Variants in C12orf54 observed in about 807,000 individuals in gnomAD.
The protein encoded by C12orf54 is chromosome 12 open reading frame 54.
C12orf54 carries 24 observed loss-of-function variants against 26.4 expected under a neutral mutation model. The ratio of observed to expected loss-of-function variants is 0.91; its 90% CI spans 0.66 to 1.28. C12orf54 has a LOEUF of 1.28. Ranked by LOEUF, C12orf54 falls within the 50% of genes most tolerant of loss-of-function variation. C12orf54 has a pLI of 0.00. For missense variants in C12orf54, 154 were observed against 150.9 expected (o/e 1.02, Z -0.11); for synonymous variants, 54 against 47.0 (o/e 1.15, Z -0.61).
upstream of C12orf54, among the ~76,000 whole-genome samples, chr12:48,481,818 G>C (rs763564638): frequency 6.6e-6 from 1 of 152,028 alleles, no homozygotes; most frequent in African/African-American, 2.4e-5. Context: ...ACTTCACCAC[G>C]ACCTCCCCAT....
the C12orf54 span, among the ~76,000 whole-genome samples, chr12:48,414,305 A>C: frequency 6.6e-6 from 1 of 152,228 alleles, no homozygotes; most frequent in Non-Finnish European, 1.5e-5. Flanking sequence ...TAAGCTCCTG[A>C]CTACTGCCTC....
the C12orf54 span, among the ~76,000 whole-genome samples, chr12:48,451,794 C>T: frequency 6.6e-6 from 1 of 152,096 alleles, no homozygotes. Flanking sequence ...AAGCAAAGGA[C>T]TTCTTCAAAG....
At chr12:48,460,353 A>G in the C12orf54 span, among the ~76,000 whole-genome samples, 1 of 152,284 alleles carries the variant, frequency 6.6e-6, no homozygotes, top group South Asian at 2.1e-4. Flanking sequence ...ATTTAGTAAA[A>G]TGAAACTTTG....
the C12orf54 span, among the ~76,000 whole-genome samples, chr12:48,476,731 C>A: frequency 1.3e-5 from 2 of 151,952 alleles, no homozygotes; most frequent in Admixed American, 6.5e-5. Context: ...TACAGGAGCA[C>A]CCAGATTCAT....
chr12:48,447,719 T>A, the C12orf54 span, among the ~76,000 whole-genome samples: 6 of 152,128 alleles, frequency 3.9e-5, no homozygotes, highest in Non-Finnish European at 8.8e-5. Flanking sequence ...ATCTCTGAAG[T>A]CTATGACTGC....
the C12orf54 span, among the ~76,000 whole-genome samples, chr12:48,433,467 G>A: frequency 0.32 from 45,876 of 141,948 alleles, 7,985 homozygotes; most frequent in African/African-American, 0.37. Flanking sequence ...GGGGGGGGGG[G>A]GGCAGGATCT....
At chr12:48,478,747 CA>C (rs926079943), upstream of C12orf54, among the ~76,000 whole-genome samples, 160 of 152,126 alleles carry the variant, frequency 1.1e-3, no homozygotes, top group African/African-American at 3.7e-3. Flanking sequence ...TTTATGCAGC[CA>C]AAAAACACAT....
Position 48,486,709 on chromosome 12 carries a change from G to GT in C12orf54, c.118_119insT (p.Glu40ValfsTer12). 1 of 1,613,474 alleles carries GT rather than the reference G, an allele frequency of 6.2e-7. No individual in the cohort carries two copies. On this transcript the variant is annotated frameshift_variant, in exon 4 of 9. Coordinates refer to ENST00000548364, the MANE Select transcript of C12orf54 (RefSeq NM_152319.4). LOFTEE classifies it high-confidence loss of function. ...ACAGGAAAAACAGGTAACCATCACT[G>GT]AAACCCTGTGGGACCAGGTGAGTAC...
At chr12:48,493,071 G>C in intron 7 of C12orf54, 76 bp downstream of exon 7, 1 of 1,354,470 alleles carries the variant, frequency 7.4e-7, no homozygotes, top group Non-Finnish European at 1.1e-6. Context: ...CATGAATATA[G>C]CTAGCTCTGA....
the C12orf54 span, among the ~76,000 whole-genome samples, chr12:48,441,585 G>C: frequency 6.6e-6 from 1 of 152,258 alleles, no homozygotes; most frequent in East Asian, 1.9e-4. Flanking sequence ...GGAGGTGAGG[G>C]TGGAGAGGAT....
At chr12:48,472,533 T>C in the C12orf54 span, 4 of 986,386 alleles carry the variant, frequency 4.1e-6, no homozygotes, top group East Asian at 5.1e-5. Context: ...ATTTTGGGTG[T>C]GTTTGGAATT....
chr12:48,475,514 T>C, the C12orf54 span, among the ~76,000 whole-genome samples: 216 of 151,960 alleles, frequency 1.4e-3, no homozygotes, highest in African/African-American at 4.7e-3. Context: ...ATTAGATGAA[T>C]GGATAACTAG....
the C12orf54 span, among the ~76,000 whole-genome samples, chr12:48,454,089 TTTG>T: frequency 2.0e-5 from 2 of 99,464 alleles, no homozygotes; most frequent in African/African-American, 3.2e-5. Flanking sequence ...TCTCTCTTTT[TTTG>T]TTTGTTTTTT....
At chr12:48,494,499 G>T (rs1937867660) in intron 7 of C12orf54, among the ~76,000 whole-genome samples, 1 of 152,146 alleles carries the variant, frequency 6.6e-6, no homozygotes, top group Non-Finnish European at 1.5e-5. Flanking sequence ...AATCCTTTCA[G>T]ATGTATGATA....
At chr12:48,473,138 G>T in the C12orf54 span, 2 of 1,595,710 alleles carry the variant, frequency 1.3e-6, no homozygotes, top group South Asian at 1.1e-5. Flanking sequence ...CCCCTAACTC[G>T]GATGGTGAGG....
chr12:48,476,324 GA>G, the C12orf54 span, among the ~76,000 whole-genome samples: 8 of 152,204 alleles, frequency 5.3e-5, no homozygotes, highest in African/African-American at 1.9e-4. Flanking sequence ...AGGCTAGGAA[GA>G]AACTGCATCA....
At chr12:48,419,253 G>A in the C12orf54 span, among the ~76,000 whole-genome samples, 3 of 152,174 alleles carry the variant, frequency 2.0e-5, no homozygotes, top group Non-Finnish European at 1.5e-5. Context: ...ACATGGCCTT[G>A]AAGACATAGT....
chr12:48,486,856 C>T, intron 4 of C12orf54, 130 bp downstream of exon 4: 1 of 869,328 alleles, frequency 1.2e-6, no homozygotes, highest in Non-Finnish European at 1.8e-6. Flanking sequence ...TCAACACGCT[C>T]CCTCCCACCT....
At chr12:48,483,913 G>T (rs1380608365) in intron 2 of C12orf54, among the ~76,000 whole-genome samples, 2 of 152,176 alleles carry the variant, frequency 1.3e-5, no homozygotes, top group Admixed American at 1.3e-4. Context: ...GAAATTTGGG[G>T]CTGGGTGCAG....
Sources: allele counts gnomAD v4.1 joint callset (sites outside exome capture counted in the v4.1 genomes callset), GRCh38; gene constraint gnomAD v4.1.1; transcripts MANE v1.5; gene names NCBI Gene and HGNC (gene_info 2026-07-23, HGNC 2026-07-21).